The following MAU2 variants were observed in gnomAD, a reference collection of about 807,000 sequenced individuals.
The protein encoded by MAU2 is MAU2 chromatid cohesion factor homolog.
Under a neutral mutation model 89.1 loss-of-function variants are expected in MAU2, and 9 were observed. That is an observed-to-expected ratio of 0.10 (90% CI 0.06 to 0.18). The LOEUF is 0.18. Among genes scored for constraint, MAU2 ranks in the 10% least tolerant of loss-of-function variants. The probability of loss-of-function intolerance (pLI) is 1.00; values close to 1 mark genes in which losing one functional copy is unlikely to be tolerated. For synonymous variants in MAU2, 357 were observed against 343.4 expected (o/e 1.04, Z -0.44); for missense variants, 425 against 803.5 (o/e 0.53, Z 5.69).
At chr19:19,334,980 C>T (rs868821323) in intron 1 of MAU2, among the ~76,000 whole-genome samples, 1 of 152,192 alleles carries the variant, frequency 6.6e-6, no homozygotes, top group Non-Finnish European at 1.5e-5. Context: ...TCGCTGGGGA[C>T]AGCGTTAGGC....
chr19:19,323,799 G>T (rs1029193545), intron 1 of MAU2, among the ~76,000 whole-genome samples: 10 of 152,308 alleles, frequency 6.6e-5, no homozygotes, highest in African/African-American at 2.4e-4. Context: ...GGCAACTTTA[G>T]TCCTCACTTG....
chr19:19,358,280 C>T lies in MAU2; in HGVS notation c.*2498C>T, dbSNP rs1039744405. 1 of 152,220 alleles carries T rather than the reference C, an allele frequency of 6.6e-6. No individual in the cohort carries two copies. The highest frequency in any genetic ancestry group is 2.4e-5 in the African/African-American group (1 of 41,432). 9.4% of individuals were successfully genotyped at this position (152,220 alleles called of 1,614,324 possible). ...CCTCCTGTATGCCTCTGCCCTTGTC[C>T]TGTGGGTTGAGGGGGTCTGACCAGG... is the stretch of plus-strand genomic sequence containing the variant. On this transcript the variant is annotated 3_prime_UTR_variant, in exon 19 of 19. Transcript: ENST00000262815.
chr19:19,327,484 C>A (rs1255351692), intron 1 of MAU2, among the ~76,000 whole-genome samples: 1 of 152,052 alleles, frequency 6.6e-6, no homozygotes, highest in Admixed American at 6.6e-5. Context: ...TGCCACCACG[C>A]CCGGCTAATT....
chr19:19,342,274 C>T (rs887624246), intron 7 of MAU2, among the ~76,000 whole-genome samples: 2 of 152,228 alleles, frequency 1.3e-5, no homozygotes, highest in Non-Finnish European at 2.9e-5. Context: ...GGATAGGCCT[C>T]TCCTGGGCCT....
At chr19:19,324,919 T>A (rs944920012) in intron 1 of MAU2, among the ~76,000 whole-genome samples, 5 of 152,246 alleles carry the variant, frequency 3.3e-5, no homozygotes, top group African/African-American at 1.2e-4. Context: ...CATTCTTTAT[T>A]AATTGTGCAT....
intron 1 of MAU2, 133 bp downstream of exon 1, chr19:19,321,268 ACC>A: frequency 9.3e-7 from 1 of 1,080,998 alleles, no homozygotes; most frequent in Non-Finnish European, 1.2e-6. Context: ...AAGCCGCAGG[ACC>A]CCCACCCGCC....
intron 1 of MAU2, among the ~76,000 whole-genome samples, chr19:19,327,411 C>T (rs2061520485): frequency 6.6e-6 from 1 of 151,588 alleles, no homozygotes; most frequent in African/African-American, 2.4e-5. Flanking sequence ...CTGCAAGCTC[C>T]GCCTCCTGGG....
At chr19:19,343,989 C>G in intron 10 of MAU2, 49 bp downstream of exon 10, 2 of 1,462,580 alleles carry the variant, frequency 1.4e-6, no homozygotes, top group Non-Finnish European at 1.9e-6. Flanking sequence ...TTTGTTGGGT[C>G]TCAGCAGTGT....
chr19:19,354,805 G>A (rs527899150), intron 17 of MAU2, among the ~76,000 whole-genome samples: 277 of 152,274 alleles, frequency 1.8e-3, no homozygotes, highest in Non-Finnish European at 2.4e-3. Flanking sequence ...GGAGCAGGGC[G>A]GGCACTCAGC....
intron 18 of MAU2, 41 bp downstream of exon 18, chr19:19,355,432 G>A (rs2048166791): frequency 6.2e-7 from 1 of 1,606,400 alleles, no homozygotes; most frequent in Non-Finnish European, 8.5e-7. Context: ...AGGACTAGCG[G>A]GCTCCCCACC....
At chr19:19,347,780 T>G (rs1031810950) in intron 13 of MAU2, 6 of 161,848 alleles carry the variant, frequency 3.7e-5, no homozygotes, top group Non-Finnish European at 5.4e-5. Context: ...GCTGCAGTGT[T>G]GGGTGGGGAT....
chr19:19,355,039 G>T, intron 17 of MAU2: 1 of 522,658 alleles, frequency 1.9e-6, no homozygotes. Context: ...CGAGAAGCCT[G>T]GCATTGGGCT....
At chr19:19,338,427 G>T (rs1163759235) in intron 4 of MAU2, among the ~76,000 whole-genome samples, 1 of 152,230 alleles carries the variant, frequency 6.6e-6, no homozygotes, top group Non-Finnish European at 1.5e-5. Flanking sequence ...CTTTCAGCCT[G>T]TTCAGACTTT....
intron 1 of MAU2, among the ~76,000 whole-genome samples, chr19:19,327,188 C>G (rs2061516889): frequency 1.3e-5 from 2 of 148,498 alleles, no homozygotes; most frequent in Admixed American, 1.4e-4. Context: ...GTGGCGCAAT[C>G]TCAGCTCATT....
intron 16 of MAU2, among the ~76,000 whole-genome samples, chr19:19,350,024 A>G (rs956836405): frequency 6.7e-6 from 1 of 148,152 alleles, no homozygotes; most frequent in African/African-American, 2.5e-5. Context: ...GGCAGGCACA[A>G]TGGCTCACGC....
intron 1 of MAU2, among the ~76,000 whole-genome samples, chr19:19,324,378 G>A (rs917250345): frequency 2.0e-5 from 3 of 152,178 alleles, no homozygotes; most frequent in Non-Finnish European, 2.9e-5. Context: ...TGATGAGGCT[G>A]AGATCAAATG....
chr19:19,344,000 C>T, intron 10 of MAU2, 60 bp downstream of exon 10: 2 of 1,392,240 alleles, frequency 1.4e-6, no homozygotes, highest in Non-Finnish European at 2.0e-6. Flanking sequence ...TCAGCAGTGT[C>T]AGACAAGAGA....
At chr19:19,347,106 G>A (rs1435813853) in intron 12 of MAU2, 174 bp from the exon 13 acceptor site, 4 of 581,260 alleles carry the variant, frequency 6.9e-6, no homozygotes, top group South Asian at 6.3e-5. Context: ...TTTATAATGA[G>A]AAGAAGTAAT....
chr19:19,344,707 G>A, intron 10 of MAU2, 142 bp from the exon 11 acceptor site: 1 of 667,726 alleles, frequency 1.5e-6, no homozygotes, highest in Non-Finnish European at 2.7e-6. Context: ...CCTCATGGTG[G>A]ACGTGTCTGC....
Sources: gnomAD v4.1 joint callset for allele counts (sites outside exome capture counted in the v4.1 genomes callset) on GRCh38, gnomAD v4.1.1 for gene constraint, MANE v1.5 for transcripts, NCBI Gene and HGNC (gene_info 2026-07-23, HGNC 2026-07-21) for gene names.